Variants in GPC3 observed in about 807,000 individuals in gnomAD.
GPC3 encodes glypican-3.
In GPC3, 3 loss-of-function variants were observed where a neutral mutation model predicts 34.4. That is an observed-to-expected ratio of 0.09 (90% CI 0.04 to 0.23). GPC3 has a LOEUF of 0.23. Among genes scored for constraint, GPC3 ranks in the 10% least tolerant of loss-of-function variants. GPC3 has a pLI of 1.00. For missense variants in GPC3, 351 were observed against 445.6 expected (o/e 0.79, Z 1.91); for synonymous variants, 177 against 174.0 (o/e 1.02, Z -0.13).
intron 1 of GPC3, among the ~76,000 whole-genome samples, chrX:133,955,912 AT>A (rs2076414659): frequency 8.9e-6 from 1 of 111,910 alleles, no homozygotes; most frequent in Non-Finnish European, 1.9e-5. Flanking sequence ...CAGAAAATTT[AT>A]TTTTATTACA....
At chrX:133,656,723 G>T (rs1234188994) in intron 6 of GPC3, among the ~76,000 whole-genome samples, 1 of 110,924 alleles carries the variant, frequency 9.0e-6, no homozygotes, top group Non-Finnish European at 1.9e-5. Flanking sequence ...AGCCTAATGA[G>T]AACAAGGCAG....
chrX:133,544,732 C>T (rs1039208948), intron 7 of GPC3, among the ~76,000 whole-genome samples: 2 of 111,684 alleles, frequency 1.8e-5, no homozygotes, highest in Non-Finnish European at 3.8e-5. Flanking sequence ...GGGTCTTGCT[C>T]TGTTGCCCAG....
intron 6 of GPC3, among the ~76,000 whole-genome samples, chrX:133,640,353 G>A (rs2070468535): frequency 8.9e-6 from 1 of 111,891 alleles, no homozygotes; most frequent in African/African-American, 3.2e-5. Flanking sequence ...TCTCAGTGTG[G>A]AGGAAAGGGA....
chrX:133,943,027 C>T (rs995113774), intron 2 of GPC3, among the ~76,000 whole-genome samples: 1 of 111,565 alleles, frequency 9.0e-6, no homozygotes, highest in Non-Finnish European at 1.9e-5. Flanking sequence ...ATTCCTACAC[C>T]CACGTCAAAT....
intron 1 of GPC3, among the ~76,000 whole-genome samples, chrX:133,957,318 AAGTAAATTTCATATAAATTTC>A (rs2076420862): frequency 8.9e-6 from 1 of 112,768 alleles, no homozygotes; most frequent in Admixed American, 9.4e-5. Flanking sequence ...ATTTTGTATT[AAGTAAATTTCATATAAATTTC>A]AGTAAATTTC....
chrX:133,853,364 T>G (rs906426747), intron 2 of GPC3, among the ~76,000 whole-genome samples: 3 of 112,108 alleles, frequency 2.7e-5, no homozygotes, highest in Non-Finnish European at 5.6e-5. Context: ...TCTGTTTCCC[T>G]CATATTCCTC....
intron 6 of GPC3, among the ~76,000 whole-genome samples, chrX:133,617,438 T>G (rs1412183238): frequency 1.8e-5 from 2 of 112,492 alleles, no homozygotes; most frequent in Non-Finnish European, 3.7e-5. Flanking sequence ...ATCTGTTTCC[T>G]TGTCTGCAAT....
At chrX:133,611,207 T>TGGGTGTGGGTG in intron 6 of GPC3, among the ~76,000 whole-genome samples, 1 of 44,940 alleles carries the variant, frequency 2.2e-5, no homozygotes, top group Middle Eastern at 8.5e-3. Context: ...ACACAGCCCC[T>TGGGTGTGGGTG]GGGTGTGGGT....
intron 2 of GPC3, among the ~76,000 whole-genome samples, chrX:133,781,520 G>A (rs1455555998): frequency 8.9e-6 from 1 of 112,261 alleles, no homozygotes; most frequent in Non-Finnish European, 1.9e-5. Flanking sequence ...AAAACAACTT[G>A]CAACACTATC....
intron 2 of GPC3, among the ~76,000 whole-genome samples, chrX:133,915,998 T>A (rs1016779756): frequency 1.8e-5 from 2 of 109,192 alleles, no homozygotes; most frequent in African/African-American, 6.7e-5. Context: ...TACAAAAAAA[T>A]TGCCAGCGTG....
intron 2 of GPC3, among the ~76,000 whole-genome samples, chrX:133,874,656 A>G (rs1258132183): frequency 8.9e-6 from 1 of 112,132 alleles, no homozygotes; most frequent in African/African-American, 3.2e-5. Flanking sequence ...AGCAGGTTGC[A>G]GGAAATTGGG....
In GPC3 at chrX:133,657,898, C is replaced by CAGAGAGAGAGAGAGAGAG. The variant is rs749162174; in HGVS notation, c.1413+3814_1413+3831dup. Among the ~76,000 whole-genome samples the CAGAGAGAGAGAGAGAGAG allele has an allele frequency of 3.2e-4, 27 of 85,548 alleles. 1 individual carries two copies. Among genetic ancestry groups the CAGAGAGAGAGAGAGAGAG allele is most frequent in the African/African-American group, 1.3e-3 (26 of 20,029 alleles). 74.3% of individuals were successfully genotyped at this position (85,548 alleles called of 115,157 possible). A position where few individuals can be genotyped will look rare whatever the true frequency, so the allele number is the denominator to read the frequency against. On this transcript the variant is annotated intron_variant, in intron 6 of 7. Coordinates refer to ENST00000370818, the MANE Select transcript of GPC3 (RefSeq NM_004484.4). ...GATGGACGCACATGGGGCATACATG[C>CAGAGAGAGAGAGAGAGAG]AGAGAGAGAGAGAGAGAGAGAGAGA...
chrX:133,971,420 T>C (rs1214077250), intron 1 of GPC3, among the ~76,000 whole-genome samples: 1 of 111,289 alleles, frequency 9.0e-6, no homozygotes, highest in Non-Finnish European at 1.9e-5. Context: ...TGGGCAGAAA[T>C]TGAAAGCCTG....
chrX:133,984,593 T>C, intron 1 of GPC3, among the ~76,000 whole-genome samples: 1 of 111,617 alleles, frequency 9.0e-6, no homozygotes, highest in Non-Finnish European at 1.9e-5. Flanking sequence ...TAAATATCTT[T>C]GGACTCCTGC....
chrX:133,864,858 C>G (rs1475349390), intron 2 of GPC3, among the ~76,000 whole-genome samples: 1 of 112,648 alleles, frequency 8.9e-6, no homozygotes, highest in East Asian at 2.8e-4. Context: ...CCTGGATCTT[C>G]TTTCTGAATG....
At chrX:133,588,705 T>C (rs1419341271) in intron 7 of GPC3, among the ~76,000 whole-genome samples, 2 of 111,025 alleles carry the variant, frequency 1.8e-5, no homozygotes, top group Non-Finnish European at 3.8e-5. Context: ...AAGATTACAC[T>C]TGATCCAGTA....
chrX:133,850,230 T>A (rs1360080214), intron 2 of GPC3, among the ~76,000 whole-genome samples: 1 of 96,362 alleles, frequency 1.0e-5, no homozygotes, highest in Non-Finnish European at 2.0e-5. Flanking sequence ...TAAAGCTAGC[T>A]GAGCTCTTCC....
chrX:133,864,358 T>C (rs1171030087), intron 2 of GPC3, among the ~76,000 whole-genome samples: 12 of 111,799 alleles, frequency 1.1e-4, no homozygotes, highest in Non-Finnish European at 2.3e-4. Flanking sequence ...TTTCCCATCA[T>C]AGAATTAGGA....
Position 133,824,451 on chromosome X carries a change from C to T in GPC3, c.338-70275G>A, listed in dbSNP as rs150596018. Among the ~76,000 whole-genome samples, 977 of 110,512 alleles carry T rather than the reference C, an allele frequency of 8.8e-3. 22 individuals are homozygous for T. The highest frequency in any genetic ancestry group is 0.031 in the African/African-American group (936 of 30,351). The stretch of plus-strand genomic sequence containing the variant: ...ACTGGGGAGGAGAAAAGGGAGGAGA[C>T]GAAGGGGGAGAGGTTAATCAACAGG... On this transcript the variant is annotated intron_variant, in intron 2 of 7. Transcript: ENST00000370818.
Sources: gnomAD v4.1 joint callset for allele counts (sites outside exome capture counted in the v4.1 genomes callset) on GRCh38, gnomAD v4.1.1 for gene constraint, MANE v1.5 for transcripts, NCBI Gene and HGNC (gene_info 2026-07-23, HGNC 2026-07-21) for gene names.